Variants in AKAP13 observed in about 807,000 individuals in gnomAD.
AKAP13 encodes the protein A-kinase anchor protein 13.
In AKAP13, 80 loss-of-function variants were observed where a neutral mutation model predicts 264.5. The ratio of observed to expected loss-of-function variants is 0.30; its 90% CI spans 0.25 to 0.36. AKAP13 has a LOEUF of 0.36. AKAP13 is among the 10% of genes least tolerant of loss of function. The probability of loss-of-function intolerance (pLI) is 1.00; values close to 1 mark genes in which losing one functional copy is unlikely to be tolerated. For synonymous variants in AKAP13, 1,380 were observed against 1,250.2 expected (o/e 1.10, Z -2.19); for missense variants, 3,712 against 3,435.2 (o/e 1.08, Z -2.01).
chr15:85,662,595 T>G, intron 12 of AKAP13: 1 of 910,794 alleles, frequency 1.1e-6, no homozygotes, highest in Non-Finnish European at 1.8e-6. Flanking sequence ...TTTCATTGCC[T>G]TTGCTATGGG....
intron 5 of AKAP13, among the ~76,000 whole-genome samples, chr15:85,572,714 G>C (rs968420823): frequency 2.6e-5 from 4 of 151,980 alleles, no homozygotes; most frequent in African/African-American, 9.7e-5. Context: ...TGCATGTGTA[G>C]AACGTGCAGG....
intron 1 of AKAP13, among the ~76,000 whole-genome samples, chr15:85,438,521 G>A (rs2073442896): frequency 6.7e-6 from 1 of 148,154 alleles, no homozygotes; most frequent in African/African-American, 2.5e-5. Context: ...TCAATCCTAA[G>A]CCAAAAGAAC....
intron 2 of AKAP13, among the ~76,000 whole-genome samples, chr15:85,497,982 G>A (rs1323458865): frequency 6.6e-6 from 1 of 152,048 alleles, no homozygotes; most frequent in Non-Finnish European, 1.5e-5. Context: ...TGATGAAGCT[G>A]TTCCGCAGGA....
chr15:85,710,680 T>A lies in AKAP13; in HGVS notation c.5599+35T>A, dbSNP rs8038249. ...TCAGCCCACCTCTCAATTCCCTTTCTGACTTTCTGGTTCTGAATGTAAAAA... is the reference window on the plus strand; with the variant it reads ...TCAGCCCACCTCTCAATTCCCTTTCAGACTTTCTGGTTCTGAATGTAAAAA... On this transcript the variant is annotated intron_variant, in intron 19 of 36. Transcript: ENST00000394518. 1.2e-5 allele frequency: 19 copies of A among 1,603,960 alleles called. No individual in the cohort carries two copies. The Middle Eastern group carries it at 1.0e-3, about 84-fold the overall frequency.
chr15:85,518,978 A>G (rs1486088650), intron 2 of AKAP13, among the ~76,000 whole-genome samples: 1 of 152,210 alleles, frequency 6.6e-6, no homozygotes, highest in Non-Finnish European at 1.5e-5. Flanking sequence ...AGACTTCACT[A>G]GTATCTTGGG....
intron 14 of AKAP13, among the ~76,000 whole-genome samples, chr15:85,671,336 T>C (rs1346554647): frequency 1.3e-5 from 2 of 149,676 alleles, no homozygotes; most frequent in African/African-American, 4.9e-5. Context: ...CTTCAGAGGC[T>C]GAGGCAAGAG....
intron 15 of AKAP13, among the ~76,000 whole-genome samples, chr15:85,683,154 T>C (rs879528504): frequency 1.3e-5 from 2 of 152,260 alleles, no homozygotes; most frequent in Non-Finnish European, 2.9e-5. Flanking sequence ...CAATGAATGC[T>C]TCTCTTTGCA....
intron 13 of AKAP13, among the ~76,000 whole-genome samples, chr15:85,667,332 T>A (rs1405759790): frequency 6.6e-6 from 1 of 152,152 alleles, no homozygotes; most frequent in Admixed American, 6.5e-5. Context: ...TTTGCCCCTT[T>A]TAAAAATTTT....
At position 85,395,147 on chromosome 15, in the gene AKAP13, A is replaced by G. The variant is rs1391004835; in HGVS notation, c.-12+14349A>G. ...GAATCTTTGTGTAGATAACCTTGCC[A>G]GAGAAACCTTACTTAGTATGTGATC... On this transcript the variant is annotated intron_variant, in intron 1 of 36. Transcript: ENST00000394518. 8.5e-5 allele frequency among the ~76,000 whole-genome samples: 13 copies of G among 152,202 alleles called. No homozygotes were observed. In the East Asian group the frequency reaches 2.1e-3, roughly 25 times the overall value.
intron 5 of AKAP13, 141 bp from the exon 6 acceptor site, chr15:85,574,990 A>G: frequency 1.5e-6 from 1 of 682,158 alleles, no homozygotes; most frequent in Non-Finnish European, 2.5e-6. Context: ...TGCCTGAATC[A>G]TTTGGGAGGT....
chr15:85,697,192 A>G (rs1206416155), intron 17 of AKAP13, among the ~76,000 whole-genome samples: 2 of 152,260 alleles, frequency 1.3e-5, no homozygotes, highest in Non-Finnish European at 2.9e-5. Context: ...AGCCGAGCTC[A>G]TGATAAAAGA....
At chr15:85,604,115 G>A (rs564487548) in intron 8 of AKAP13, among the ~76,000 whole-genome samples, 1 of 152,272 alleles carries the variant, frequency 6.6e-6, no homozygotes, top group East Asian at 1.9e-4. Flanking sequence ...TTGCTTCAGC[G>A]AGCTCTACAT....
At chr15:85,473,315 G>C (rs2075034283) in intron 1 of AKAP13, among the ~76,000 whole-genome samples, 1 of 152,192 alleles carries the variant, frequency 6.6e-6, no homozygotes, top group Non-Finnish European at 1.5e-5. Flanking sequence ...AGAGCAATTT[G>C]ATGTGGAAGG....
chr15:85,646,035 T>C lies in AKAP13; in HGVS notation c.4374+81T>C, dbSNP rs1324328271. 3.3e-6 allele frequency: 5 copies of C among 1,534,914 alleles called. No individual in the cohort carries two copies. The East Asian group carries it at 9.2e-5, about 28-fold the overall frequency. ...GGCTTCCCAAACTCTTTTCCAACTT[T>C]TTCCCCCTCTTGTGCTCTCCTGTTT... On this transcript the variant is annotated intron_variant, in intron 10 of 36. Coordinates refer to ENST00000394518, the MANE Select transcript of AKAP13 (RefSeq NM_007200.5).
intron 14 of AKAP13, among the ~76,000 whole-genome samples, chr15:85,679,110 G>A (rs1333430172): frequency 3.3e-5 from 5 of 151,690 alleles, no homozygotes; most frequent in South Asian, 2.1e-4. Flanking sequence ...GTGTGGTTGC[G>A]GGCTCCTGTA....
At chr15:85,583,126 A>G in intron 7 of AKAP13, 1 of 985,498 alleles carries the variant, frequency 1.0e-6, no homozygotes. Context: ...AGCTGTAGAC[A>G]GAAGACCTAT....
At chr15:85,396,344 GT>G (rs1436009628) in intron 1 of AKAP13, among the ~76,000 whole-genome samples, 2 of 152,128 alleles carry the variant, frequency 1.3e-5, no homozygotes, top group Non-Finnish European at 2.9e-5. Flanking sequence ...CATATGGATG[GT>G]TGACCTAAGA....
chr15:85,741,556 T>C lies in AKAP13; in HGVS notation c.8058+61T>C, dbSNP rs2088964916. 6.7e-6 allele frequency: 10 copies of C among 1,499,076 alleles called. No homozygotes were observed. The East Asian group carries it at 2.3e-4, about 35-fold the overall frequency. 92.9% of individuals were successfully genotyped at this position (1,499,076 alleles called of 1,614,324 possible). On this transcript the variant is annotated intron_variant, in intron 35 of 36. Coordinates refer to ENST00000394518, the MANE Select transcript of AKAP13 (RefSeq NM_007200.5). ...GATATTAATTAAGACCCCCTGTGTA[T>C]TAAGCAAGGTAAGAAAGTGAGCAGA...
intron 13 of AKAP13, among the ~76,000 whole-genome samples, chr15:85,668,048 T>A (rs987415562): frequency 6.6e-6 from 1 of 152,210 alleles, no homozygotes; most frequent in Admixed American, 6.5e-5. Flanking sequence ...GTATGGAACC[T>A]CAGAGTAGGC....
Sources: allele counts gnomAD v4.1 joint callset (sites outside exome capture counted in the v4.1 genomes callset), GRCh38; gene constraint gnomAD v4.1.1; transcripts MANE v1.5; gene names NCBI Gene and HGNC (gene_info 2026-07-23, HGNC 2026-07-21).